UBE2D2: variants seen among roughly 807,000 people sequenced by gnomAD.
UBE2D2 encodes ubiquitin-conjugating enzyme E2 D2.
UBE2D2 carries 2 observed loss-of-function variants against 24.2 expected under a neutral mutation model. The ratio of observed to expected loss-of-function variants is 0.08; its 90% confidence interval spans 0.03 to 0.26. UBE2D2 has a LOEUF of 0.26. Among genes scored for constraint, UBE2D2 ranks in the 10% least tolerant of loss-of-function variants. The probability of loss-of-function intolerance (pLI) is 1.00; values close to 1 mark genes in which losing one functional copy is unlikely to be tolerated. For synonymous variants in UBE2D2, 58 were observed against 56.5 expected (o/e 1.03, Z -0.12); for missense variants, 44 against 177.6 (o/e 0.25, Z 4.28).
In UBE2D2 at chr5:139,556,106, C is replaced by G. The variant is rs537499520; in HGVS notation, c.-64+29494C>G. On this transcript the variant is annotated intron_variant, in intron 1 of 6. Coordinates refer to the UBE2D2 transcript ENST00000511725. ...ACAAAATCATCTGGGCATGGTGGCA[C>G]ATGCCTGTAATCCCAGCTACTCGGG... is the stretch of plus-strand genomic sequence containing the variant. Among the ~76,000 whole-genome samples, 16 of 151,952 alleles carry G rather than the reference C, an allele frequency of 1.1e-4. No individual in the cohort carries two copies. The East Asian group carries it at 3.1e-3, about 29-fold the overall frequency.
chr5:139,582,922 G>A (rs1367713277), intron 1 of UBE2D2, among the ~76,000 whole-genome samples: 7 of 150,854 alleles, frequency 4.6e-5, no homozygotes, highest in African/African-American at 7.3e-5. Context: ...TGCCCGCCTC[G>A]GCCTCCCAAA....
intron 1 of UBE2D2, among the ~76,000 whole-genome samples, chr5:139,531,614 GA>G (rs1307544052): frequency 1.5e-5 from 2 of 134,778 alleles, no homozygotes; most frequent in African/African-American, 5.6e-5. Context: ...GTGACAGAGT[GA>G]GACCCTATCC....
intron 1 of UBE2D2, among the ~76,000 whole-genome samples, chr5:139,548,052 A>T (rs1752855541): frequency 6.6e-6 from 1 of 150,954 alleles, no homozygotes; most frequent in Non-Finnish European, 1.5e-5. Context: ...TAATCCTAGC[A>T]CTTTAGGAGG....
At chr5:139,558,320 C>T (rs1753007459), upstream of UBE2D2, among the ~76,000 whole-genome samples, 3 of 152,186 alleles carry the variant, frequency 2.0e-5, no homozygotes, top group Admixed American at 2.0e-4. Flanking sequence ...CAGAGTCTTG[C>T]TCTGTTGCCC....
At chr5:139,603,597 G>A (rs1355681506) in intron 2 of UBE2D2, among the ~76,000 whole-genome samples, 1 of 145,012 alleles carries the variant, frequency 6.9e-6, no homozygotes, top group African/African-American at 2.6e-5. Flanking sequence ...ACTCCAGCCT[G>A]GGTGACAGAG....
chr5:139,546,821 C>T (rs1443040150), intron 1 of UBE2D2, among the ~76,000 whole-genome samples: 298 of 4,784 alleles, frequency 0.062, 2 homozygotes, highest in Admixed American at 0.21. Flanking sequence ...TTTCTTTCTT[C>T]CTTCCTTCCT....
At chr5:139,530,171 T>C (rs1484266200) in intron 1 of UBE2D2, among the ~76,000 whole-genome samples, 1 of 152,214 alleles carries the variant, frequency 6.6e-6, no homozygotes, top group Non-Finnish European at 1.5e-5. Flanking sequence ...AAGGAATCCA[T>C]TCAGCAAATT....
chr5:139,570,013 T>G (rs754554796), intron 1 of UBE2D2, among the ~76,000 whole-genome samples: 9 of 152,048 alleles, frequency 5.9e-5, no homozygotes, highest in Non-Finnish European at 1.2e-4. Flanking sequence ...ATCCCAACAC[T>G]GGGAGGCCAA....
intron 1 of UBE2D2, among the ~76,000 whole-genome samples, chr5:139,576,077 A>G (rs1753462379): frequency 6.6e-6 from 1 of 152,216 alleles, no homozygotes; most frequent in Non-Finnish European, 1.5e-5. Context: ...CAATGGTAGG[A>G]GTTTTAGATT....
At chr5:139,623,526 C>A (rs1344427373) in intron 6 of UBE2D2, 65 bp downstream of exon 6, 6 of 1,371,394 alleles carry the variant, frequency 4.4e-6, no homozygotes. Context: ...ACAAATCTTT[C>A]TTGTTTAAGG....
intron 1 of UBE2D2, among the ~76,000 whole-genome samples, chr5:139,532,020 T>C (rs1752603902): frequency 6.6e-6 from 1 of 151,744 alleles, no homozygotes; most frequent in Admixed American, 6.6e-5. Context: ...ACCTCATTTA[T>C]GATGAGGGAT....
rs1752721299 is a variant in UBE2D2, at chr5:139,538,922, G to A, written c.-64+12310G>A. On this transcript the variant is annotated intron_variant, in intron 1 of 6. Transcript: ENST00000511725. ...ATGTATATTACTACAATAAAAAAAT[G>A]TTTAAGTACATTGCAGAATGAAATA... Among the ~76,000 whole-genome samples, 5 of 151,712 alleles carry A rather than the reference G, an allele frequency of 3.3e-5. 1 individual carries two copies. The South Asian group carries it at 8.3e-4, about 25-fold the overall frequency.
At chr5:139,596,513 C>G (rs558623570) in intron 1 of UBE2D2, among the ~76,000 whole-genome samples, 1 of 151,716 alleles carries the variant, frequency 6.6e-6, no homozygotes, top group African/African-American at 2.4e-5. Flanking sequence ...ATGCTGGTCT[C>G]GAAGTCCTGA....
At chr5:139,562,001 CT>C in intron 1 of UBE2D2, 186 bp downstream of exon 1, 1 of 942,702 alleles carries the variant, frequency 1.1e-6, no homozygotes, top group Non-Finnish European at 1.5e-6. Flanking sequence ...GCAGCCCGCG[CT>C]TAGGCCGGAG....
intron 1 of UBE2D2, among the ~76,000 whole-genome samples, chr5:139,543,279 C>T (rs767294146): frequency 6.6e-6 from 1 of 152,310 alleles, no homozygotes; most frequent in South Asian, 2.1e-4. Flanking sequence ...TGACACCCCT[C>T]CTTTATGAAC....
At chr5:139,596,771 G>A (rs1468424645) in intron 1 of UBE2D2, among the ~76,000 whole-genome samples, 1 of 151,928 alleles carries the variant, frequency 6.6e-6, no homozygotes, top group Non-Finnish European at 1.5e-5. Context: ...AATAGGCCAG[G>A]TGCGGTGGCT....
upstream of UBE2D2, among the ~76,000 whole-genome samples, chr5:139,556,633 C>T (rs1752983453): frequency 6.6e-6 from 1 of 152,022 alleles, no homozygotes; most frequent in African/African-American, 2.4e-5. Flanking sequence ...AAAGGGACAT[C>T]ACAATGGATG....
At chr5:139,596,304 A>G (rs1289419240) in intron 1 of UBE2D2, among the ~76,000 whole-genome samples, 3 of 145,056 alleles carry the variant, frequency 2.1e-5, no homozygotes, top group African/African-American at 5.1e-5. Context: ...GTGTGTGTGT[A>G]TGTGTGTGTG....
intron 1 of UBE2D2, among the ~76,000 whole-genome samples, chr5:139,580,357 G>C (rs921147588): frequency 6.6e-6 from 1 of 152,124 alleles, no homozygotes; most frequent in African/African-American, 2.4e-5. Flanking sequence ...GAGTCACCCT[G>C]CCTGGCCAAT....
Sources: gnomAD v4.1 joint callset for allele counts (sites outside exome capture counted in the v4.1 genomes callset) on GRCh38, gnomAD v4.1.1 for gene constraint, MANE v1.5 for transcripts, NCBI Gene and HGNC (gene_info 2026-07-23, HGNC 2026-07-21) for gene names.